The following HSD17B2 variants were observed in gnomAD, a reference collection of about 807,000 sequenced individuals.
HSD17B2 encodes the protein 17-beta-hydroxysteroid dehydrogenase type 2.
A neutral mutation model predicts 26.9 loss-of-function variants in HSD17B2; 32 were observed. The observed-to-expected ratio is 1.19, with a 90% CI of 0.90 to 1.60. HSD17B2 has a LOEUF of 1.60. HSD17B2 is among the 40% of genes most tolerant of loss of function. The pLI is 0.00. For synonymous variants in HSD17B2, 246 were observed against 186.7 expected (o/e 1.32, Z -2.59); for missense variants, 613 against 468.6 (o/e 1.31, Z -2.85).
chr16:82,097,938 C>T (rs1904900321), intron 4 of HSD17B2, 137 bp from the exon 5 acceptor site: 19 of 811,288 alleles, frequency 2.3e-5, no homozygotes, highest in Non-Finnish European at 3.4e-5. Flanking sequence ...ACTCTGTATC[C>T]CAAAAATAAA....
At chr16:82,071,553 CA>C in intron 3 of HSD17B2, 1 of 302,144 alleles carries the variant, frequency 3.3e-6, no homozygotes, top group Non-Finnish European at 6.4e-6. Context: ...TGCCATCAAA[CA>C]AAAGCTGCCT....
chr16:82,050,222 C>T (rs1914065556), intron 1 of HSD17B2, among the ~76,000 whole-genome samples: 2 of 152,176 alleles, frequency 1.3e-5, no homozygotes, highest in South Asian at 4.1e-4. Context: ...CCCTTCCCTA[C>T]CTGGCCCTTG....
chr16:82,063,974 C>A (rs181646964), intron 1 of HSD17B2, among the ~76,000 whole-genome samples: 13 of 152,256 alleles, frequency 8.5e-5, no homozygotes, highest in South Asian at 2.1e-4. Flanking sequence ...GTGGGGGCAC[C>A]TATGAGTCTC....
intron 1 of HSD17B2, among the ~76,000 whole-genome samples, chr16:82,037,933 A>C (rs1913663483): frequency 6.6e-6 from 1 of 152,238 alleles, no homozygotes; most frequent in Non-Finnish European, 1.5e-5. Flanking sequence ...TTGTAAATGA[A>C]AGGAAATAGT....
intron 1 of HSD17B2, among the ~76,000 whole-genome samples, chr16:82,058,552 C>T (rs1236529385): frequency 6.6e-6 from 1 of 152,244 alleles, no homozygotes; most frequent in Non-Finnish European, 1.5e-5. Flanking sequence ...ATAAGGCTCT[C>T]AAACTTTTTG....
At chr16:82,057,432 C>A (rs750650945) in intron 1 of HSD17B2, among the ~76,000 whole-genome samples, 87 of 152,190 alleles carry the variant, frequency 5.7e-4, no homozygotes, top group Non-Finnish European at 8.8e-4. Context: ...TTCCTGACCT[C>A]GTGATCCACC....
At chr16:82,040,915 T>C (rs973064135) in intron 1 of HSD17B2, among the ~76,000 whole-genome samples, 2 of 152,222 alleles carry the variant, frequency 1.3e-5, no homozygotes, top group Non-Finnish European at 2.9e-5. Context: ...ATGGTGGATG[T>C]TGAAAGGATG....
At chr16:82,054,114 A>G (rs1914192495) in intron 1 of HSD17B2, among the ~76,000 whole-genome samples, 1 of 152,044 alleles carries the variant, frequency 6.6e-6, no homozygotes. Flanking sequence ...ATTTCTAGTG[A>G]AGATGAACTC....
At position 82,070,927 on chromosome 16, in the gene HSD17B2, G is replaced by C. The variant is rs1218127985; in HGVS notation, c.479-15G>C. Reference sequence around the variant, plus strand: ...CTCTTCCAGACACTCACTCATTATGGTTTTCTGTCTCCAGGACTGTGGGCT... The same window carrying C: ...CTCTTCCAGACACTCACTCATTATGCTTTTCTGTCTCCAGGACTGTGGGCT... On this transcript the variant is annotated splice_polypyrimidine_tract_variant and intron_variant, in intron 2 of 4. Coordinates refer to ENST00000199936, the MANE Select transcript of HSD17B2 (RefSeq NM_002153.3). 12 of 1,606,512 alleles carry C rather than the reference G, an allele frequency of 7.5e-6. No homozygotes were observed. Among genetic ancestry groups the C allele is most frequent in the Non-Finnish European group, 1.0e-5 (12 of 1,175,042 alleles).
intron 1 of HSD17B2, among the ~76,000 whole-genome samples, chr16:82,046,935 C>T (rs1354115217): frequency 8.5e-5 from 13 of 152,160 alleles, no homozygotes; most frequent in Admixed American, 8.5e-4. Flanking sequence ...ATAAGCAGTG[C>T]AAAAAGGTAG....
intron 4 of HSD17B2, chr16:82,097,333 T>TAC (rs1260742516): frequency 7.0e-6 from 1 of 143,042 alleles, no homozygotes; most frequent in East Asian, 2.1e-4. Flanking sequence ...TATATATATA[T>TAC]ACACATTATA....
chr16:82,046,757 T>C (rs1012509656), intron 1 of HSD17B2, among the ~76,000 whole-genome samples: 1 of 152,182 alleles, frequency 6.6e-6, no homozygotes, highest in Non-Finnish European at 1.5e-5. Context: ...ACCCCTATTC[T>C]AGAGTGATCA....
At chr16:82,080,806 T>C (rs927480571) in intron 3 of HSD17B2, among the ~76,000 whole-genome samples, 2 of 152,202 alleles carry the variant, frequency 1.3e-5, no homozygotes, top group Non-Finnish European at 2.9e-5. Context: ...CTTTACACCA[T>C]GTTGAAGGAA....
intron 1 of HSD17B2, among the ~76,000 whole-genome samples, chr16:82,039,879 A>G (rs1913723273): frequency 6.6e-6 from 1 of 152,170 alleles, no homozygotes; most frequent in Non-Finnish European, 1.5e-5. Context: ...GGCACATAAG[A>G]AACCTCCAGG....
intron 1 of HSD17B2, among the ~76,000 whole-genome samples, chr16:82,041,323 C>T (rs1913760336): frequency 6.6e-6 from 1 of 152,218 alleles, no homozygotes; most frequent in Non-Finnish European, 1.5e-5. Flanking sequence ...TAGTTGGACA[C>T]AATAGGATTG....
chr16:82,047,714 A>G (rs532923419), intron 1 of HSD17B2, among the ~76,000 whole-genome samples: 28 of 152,264 alleles, frequency 1.8e-4, no homozygotes, highest in African/African-American at 6.5e-4. Flanking sequence ...CAGAGAAGAA[A>G]AGGAGAGACC....
chr16:82,052,040 C>G (rs1209215412), intron 1 of HSD17B2, among the ~76,000 whole-genome samples: 2 of 152,202 alleles, frequency 1.3e-5, no homozygotes, highest in Admixed American at 6.5e-5. Context: ...TTATACAGAG[C>G]CAACCACATC....
rs1384705103 is a variant in HSD17B2 at position 82,095,963 on chromosome 16, T to TA, written c.803-2107dup. On this transcript the variant is annotated intron_variant, in intron 4 of 4. Coordinates refer to ENST00000199936, the MANE Select transcript of HSD17B2 (RefSeq NM_002153.3). Reference sequence around the variant, plus strand: ...TAGTTACCTTAGAGGAGATTAATTTTAAAAATATGCACATCTCCTTATTAT... The same window carrying TA: ...TAGTTACCTTAGAGGAGATTAATTTTAAAAAATATGCACATCTCCTTATTAT... 3.3e-5 allele frequency: 5 copies of TA among 152,302 alleles called. No homozygotes were observed. The East Asian group carries it at 9.6e-4, about 29-fold the overall frequency. The allele number at this position is 152,302 out of a possible 1,614,324, so 9.4% of individuals were successfully genotyped here. A position where few individuals can be genotyped will look rare whatever the true frequency, so the allele number is the denominator to read the frequency against.
At chr16:82,091,211 G>C (rs1191895825) in intron 4 of HSD17B2, 172 bp downstream of exon 4, 1 of 729,830 alleles carries the variant, frequency 1.4e-6, no homozygotes. Flanking sequence ...TGACAGTAGG[G>C]GAAAGAGCTA....
Sources: gnomAD v4.1 joint callset for allele counts (sites outside exome capture counted in the v4.1 genomes callset) on GRCh38, gnomAD v4.1.1 for gene constraint, MANE v1.5 for transcripts, NCBI Gene and HGNC (gene_info 2026-07-23, HGNC 2026-07-21) for gene names.